Variants in CPLANE1 observed in about 807,000 individuals in gnomAD.
CPLANE1 encodes the protein ciliogenesis and planar polarity effector 1.
CPLANE1 carries 263 observed loss-of-function variants against 362.5 expected under a neutral mutation model. The observed-to-expected ratio is 0.73, with a 90% CI of 0.66 to 0.80. The LOEUF (loss-of-function observed/expected upper bound fraction) is 0.80, where lower values mean the gene tolerates loss of function less well. Ranked by LOEUF, CPLANE1 falls within the 30% of genes least tolerant of loss-of-function variation. The probability of loss-of-function intolerance (pLI) is 0.00; values close to 1 mark genes in which losing one functional copy is unlikely to be tolerated. For missense variants in CPLANE1, 3,461 were observed against 3,793.4 expected (o/e 0.91, Z 2.30); for synonymous variants, 1,212 against 1,302.6 (o/e 0.93, Z 1.50).
chr5:37,148,964 T>C (rs1772633740), intron 42 of CPLANE1, among the ~76,000 whole-genome samples: 2 of 152,054 alleles, frequency 1.3e-5, no homozygotes, highest in Non-Finnish European at 2.9e-5. Context: ...GGCAGGAGAA[T>C]TGCTTCAACC....
At chr5:37,213,480 G>C (rs1397278918) in intron 16 of CPLANE1, 79 bp downstream of exon 16, 3 of 915,266 alleles carry the variant, frequency 3.3e-6, no homozygotes, top group Non-Finnish European at 4.6e-6. Context: ...TTGAGTAATG[G>C]CCTCTGTATA....
intron 17 of CPLANE1, 64 bp from the exon 18 acceptor site, chr5:37,205,518 T>C (rs896174404): frequency 8.1e-5 from 88 of 1,092,524 alleles, no homozygotes; most frequent in Non-Finnish European, 1.1e-4. Context: ...AGGTTTCACA[T>C]ATCAAGGACT....
chr5:37,178,072 T>C (rs867745777), intron 29 of CPLANE1, among the ~76,000 whole-genome samples: 1 of 152,124 alleles, frequency 6.6e-6, no homozygotes, highest in African/African-American at 2.4e-5. Context: ...CAGGCAGATC[T>C]ACTTGAGGTC....
chr5:37,140,054 G>A (rs1350604729), intron 44 of CPLANE1: 5 of 933,458 alleles, frequency 5.4e-6, no homozygotes, highest in African/African-American at 1.8e-5. Flanking sequence ...CAATTTACCT[G>A]TAAGAATGTG....
Position 37,148,274 on chromosome 5 carries a change from G to A in CPLANE1, c.8374-6C>T, listed in dbSNP as rs778356317. ...ATGTGATCCACTGGTCCAATCTGTA[G>A]AAAAAACACACACAACAAAACAACA... On this transcript the variant is annotated splice_polypyrimidine_tract_variant and splice_region_variant and intron_variant, in intron 42 of 52. Transcript: ENST00000651892. 1.3e-5 allele frequency: 21 copies of A among 1,575,298 alleles called. No homozygotes were observed. Among genetic ancestry groups the A allele is most frequent in the East Asian group, 2.3e-5 (1 of 43,824 alleles).
At chr5:37,164,929 G>A (rs988599276) in intron 36 of CPLANE1, among the ~76,000 whole-genome samples, 4 of 151,938 alleles carry the variant, frequency 2.6e-5, no homozygotes. Flanking sequence ...ACACAGCAAG[G>A]TCCCACCTCT....
chr5:37,103,390 G>A (rs1157278558), downstream of CPLANE1, among the ~76,000 whole-genome samples: 1 of 152,176 alleles, frequency 6.6e-6, no homozygotes, highest in Non-Finnish European at 1.5e-5. Context: ...TGTTATGTGT[G>A]AATCTGATCC....
rs1206058421 is a variant in CPLANE1, at chr5:37,195,598, C to CA, written c.3811+259dup. On this transcript the variant is annotated intron_variant, in intron 21 of 52. Transcript: ENST00000651892. ...TGGGCAACAGAGCCAGACTCTGTCT[C>CA]AAAAAAAAAAAAAAATTCAGTTAAA... 0.013 allele frequency among the ~76,000 whole-genome samples: 1,456 copies of CA among 108,874 alleles called. 8 individuals are homozygous for CA. The highest frequency in any genetic ancestry group is 0.02 in the African/African-American group (581 of 28,772). 71.4% of individuals were successfully genotyped at this position (108,874 alleles called of 152,430 possible).
chr5:37,140,323 A>T (rs897438471), intron 44 of CPLANE1: 1 of 977,266 alleles, frequency 1.0e-6, no homozygotes, highest in Non-Finnish European at 1.2e-6. Flanking sequence ...TTTTAATATG[A>T]AATACCTGTT....
intron 20 of CPLANE1, among the ~76,000 whole-genome samples, chr5:37,197,960 A>T (rs1342512168): frequency 6.6e-6 from 1 of 152,180 alleles, no homozygotes; most frequent in East Asian, 1.9e-4. Flanking sequence ...TAGATAACTT[A>T]TCAAAGTTAT....
intron 26 of CPLANE1, 66 bp downstream of exon 26, chr5:37,182,694 G>A (rs563421218): frequency 2.1e-6 from 2 of 962,594 alleles, no homozygotes; most frequent in East Asian, 2.7e-5. Flanking sequence ...GATGGGAAAT[G>A]TAAACATAGT....
intron 43 of CPLANE1, among the ~76,000 whole-genome samples, chr5:37,144,106 A>AT (rs1262966479): frequency 2.8e-4 from 43 of 151,850 alleles, no homozygotes; most frequent in Admixed American, 2.8e-3. Context: ...CTACTCCAAT[A>AT]TAAGGTAAAT....
At chr5:37,089,611 G>A in the CPLANE1 span, among the ~76,000 whole-genome samples, 13 of 152,102 alleles carry the variant, frequency 8.5e-5, 1 homozygote, top group South Asian at 8.3e-4. Flanking sequence ...CATGACCTAC[G>A]TGCTATTAAT....
At chr5:37,175,360 T>C (rs1277657214) in intron 31 of CPLANE1, among the ~76,000 whole-genome samples, 2 of 152,160 alleles carry the variant, frequency 1.3e-5, no homozygotes, top group East Asian at 3.8e-4. Context: ...GCAACAACAT[T>C]TTGTGAAGAA....
Position 37,121,500 on chromosome 5 carries a change from T to G in CPLANE1, c.9185+117A>C, listed in dbSNP as rs567149383. 39 of 899,758 alleles carry G rather than the reference T, an allele frequency of 4.3e-5. No individual in the cohort carries two copies. In the South Asian group the frequency reaches 6.7e-4, roughly 15 times the overall value. 55.7% of individuals were successfully genotyped at this position (899,758 alleles called of 1,614,324 possible). A position where few individuals can be genotyped will look rare whatever the true frequency, so the allele number is the denominator to read the frequency against. Reference sequence around the variant, plus strand: ...ATGAGGCTACTTTTTTCCTTTATCATCATAACTCTAAGCAGGGTAAATGCA... The same window carrying G: ...ATGAGGCTACTTTTTTCCTTTATCAGCATAACTCTAAGCAGGGTAAATGCA... On this transcript the variant is annotated intron_variant, in intron 49 of 52. Coordinates refer to ENST00000651892, the MANE Select transcript of CPLANE1 (RefSeq NM_001384732.1).
chr5:37,206,765 C>G (rs1272590782), intron 16 of CPLANE1, among the ~76,000 whole-genome samples: 2 of 151,834 alleles, frequency 1.3e-5, no homozygotes, highest in Non-Finnish European at 2.9e-5. Context: ...ATACAAAAAA[C>G]ATTTATATCT....
rs544656011 is a variant in CPLANE1 at position 37,183,530 on chromosome 5, T to C, written c.4651A>G (p.Ile1551Val). 14 of 1,613,700 alleles carry C rather than the reference T, an allele frequency of 8.7e-6. No individual in the cohort carries two copies. The Admixed American group carries it at 1.3e-4, about 15-fold the overall frequency. Residue 1551 changes from isoleucine (I) to valine (V), a missense_variant, in exon 26 of 53, where the codon ATT (isoleucine) becomes GTT (valine). Coordinates refer to ENST00000651892, the MANE Select transcript of CPLANE1 (RefSeq NM_001384732.1). ...CTCAAAAACAGATCAAGGAATTTAA[T>C]ATATTCATCATCATCACGTTCAAAT... ...WEFERDDDEY[I>V]KFLDLFLSYI... is the part of the protein sequence containing the mutation.
chr5:37,101,440 G>A (rs900707193), downstream of CPLANE1, among the ~76,000 whole-genome samples: 2 of 152,214 alleles, frequency 1.3e-5, no homozygotes, highest in Non-Finnish European at 2.9e-5. Flanking sequence ...GTGCATCCCA[G>A]GGAGGAAGCC....
intron 46 of CPLANE1, among the ~76,000 whole-genome samples, chr5:37,137,896 C>A (rs188588047): frequency 1.3e-5 from 2 of 151,964 alleles, no homozygotes; most frequent in East Asian, 1.9e-4. Context: ...ACAGCCAAAC[C>A]ATATCAGTCA....
Sources: gnomAD v4.1 joint callset for allele counts (sites outside exome capture counted in the v4.1 genomes callset) on GRCh38, gnomAD v4.1.1 for gene constraint, MANE v1.5 for transcripts, NCBI Gene and HGNC (gene_info 2026-07-23, HGNC 2026-07-21) for gene names.